The following KHDRBS2 variants were observed in gnomAD, a reference collection of about 807,000 sequenced individuals.
KHDRBS2 encodes KH RNA binding domain containing, signal transduction associated 2.
KHDRBS2 carries 26 observed loss-of-function variants against 44.3 expected under a neutral mutation model. The observed-to-expected ratio is 0.59, with a 90% CI of 0.43 to 0.81. The LOEUF (loss-of-function observed/expected upper bound fraction) is 0.81, where lower values mean the gene tolerates loss of function less well. KHDRBS2 is among the 40% of genes least tolerant of loss of function. The probability of loss-of-function intolerance (pLI) is 0.00; values close to 1 mark genes in which losing one functional copy is unlikely to be tolerated. For synonymous variants in KHDRBS2, 194 were observed against 151.1 expected, an observed-to-expected ratio of 1.28 and a Z score of -2.08; for missense variants, 476 against 433.1, an observed-to-expected ratio of 1.10 and a Z score of -0.88.
At chr6:61,662,129 G>GA in the KHDRBS2 span, among the ~76,000 whole-genome samples, 1 of 151,872 alleles carries the variant, frequency 6.6e-6, no homozygotes, top group East Asian at 1.9e-4. Flanking sequence ...ACAAACCTGA[G>GA]AAAAACAAGC....
intron 1 of KHDRBS2, among the ~76,000 whole-genome samples, chr6:62,237,367 CCAA>C (rs1833870091): frequency 6.6e-6 from 1 of 152,006 alleles, no homozygotes; most frequent in East Asian, 1.9e-4. Context: ...AAAAATAAGT[CCAA>C]CAACTACTCT....
At chr6:61,888,219 G>A (rs1801259393) in intron 6 of KHDRBS2, among the ~76,000 whole-genome samples, 1 of 152,080 alleles carries the variant, frequency 6.6e-6, no homozygotes, top group Non-Finnish European at 1.5e-5. Context: ...CTCTACCTTT[G>A]CCATTGGTGG....
chr6:61,657,897 T>G, the KHDRBS2 span, among the ~76,000 whole-genome samples: 1 of 151,988 alleles, frequency 6.6e-6, no homozygotes, highest in Non-Finnish European at 1.5e-5. Flanking sequence ...AGAACATTGG[T>G]TCTGGGTCAA....
At chr6:61,926,718 G>A (rs1469303964) in intron 4 of KHDRBS2, among the ~76,000 whole-genome samples, 1 of 152,110 alleles carries the variant, frequency 6.6e-6, no homozygotes, top group Non-Finnish European at 1.5e-5. Context: ...TAGGTATTGA[G>A]TCTGTAGGTT....
At chr6:61,662,971 T>C in the KHDRBS2 span, among the ~76,000 whole-genome samples, 1 of 151,926 alleles carries the variant, frequency 6.6e-6, no homozygotes, top group African/African-American at 2.4e-5. Flanking sequence ...AGCGGCACTA[T>C]TCACAATAGC....
At chr6:61,605,271 T>C in the KHDRBS2 span, among the ~76,000 whole-genome samples, 1 of 152,116 alleles carries the variant, frequency 6.6e-6, no homozygotes, top group Non-Finnish European at 1.5e-5. Context: ...TGTCTAGTCA[T>C]ATTCCTATTC....
intron 6 of KHDRBS2, among the ~76,000 whole-genome samples, chr6:61,776,458 C>G (rs1447854418): frequency 1.3e-5 from 2 of 151,674 alleles, no homozygotes; most frequent in African/African-American, 2.4e-5. Flanking sequence ...AAAAACAACC[C>G]TATCAAAAAG....
chr6:61,901,075 T>C (rs1413590030), intron 5 of KHDRBS2, among the ~76,000 whole-genome samples, 169 bp downstream of exon 5: 1 of 152,206 alleles, frequency 6.6e-6, no homozygotes, highest in Admixed American at 6.5e-5. Context: ...TGACTTAACA[T>C]GTGTAAAGCT....
the KHDRBS2 span, among the ~76,000 whole-genome samples, chr6:61,604,871 A>G: frequency 6.6e-6 from 1 of 152,108 alleles, no homozygotes; most frequent in Non-Finnish European, 1.5e-5. Flanking sequence ...GTAAGACATA[A>G]TTCCTTGGTC....
the KHDRBS2 span, among the ~76,000 whole-genome samples, chr6:61,604,279 G>C: frequency 9.2e-6 from 1 of 108,408 alleles, no homozygotes; most frequent in South Asian, 3.4e-4. Context: ...TTCACTGCAA[G>C]GGTCATCAAA....
intron 4 of KHDRBS2, among the ~76,000 whole-genome samples, chr6:61,972,835 T>C (rs1771713763): frequency 6.6e-6 from 1 of 152,178 alleles, no homozygotes. Flanking sequence ...TTGTTTTCCC[T>C]ATATATTCAC....
chr6:61,902,736 G>C (rs1804286817), intron 4 of KHDRBS2, among the ~76,000 whole-genome samples: 1 of 152,144 alleles, frequency 6.6e-6, no homozygotes, highest in East Asian at 1.9e-4. Flanking sequence ...CTAGCAGTGA[G>C]ACTAAAAATT....
intron 4 of KHDRBS2, among the ~76,000 whole-genome samples, chr6:61,932,620 G>A (rs1171327900): frequency 2.0e-5 from 3 of 152,088 alleles, no homozygotes; most frequent in Admixed American, 1.3e-4. Context: ...CTAACACGGT[G>A]AAAACCCATC....
At chr6:61,544,053 T>A in the KHDRBS2 span, among the ~76,000 whole-genome samples, 11 of 152,000 alleles carry the variant, frequency 7.2e-5, no homozygotes, top group Non-Finnish European at 1.5e-5. Context: ...AGCCCAATAA[T>A]GTGACTACAG....
chr6:61,753,275 C>T (rs914365041), intron 6 of KHDRBS2, among the ~76,000 whole-genome samples: 3 of 152,128 alleles, frequency 2.0e-5, no homozygotes, highest in African/African-American at 7.2e-5. Flanking sequence ...TTTGCAGTCA[C>T]ATTATTCAGT....
chr6:61,569,171 C>T, the KHDRBS2 span, among the ~76,000 whole-genome samples: 1 of 152,080 alleles, frequency 6.6e-6, no homozygotes, highest in Non-Finnish European at 1.5e-5. Flanking sequence ...AGCCAAAATC[C>T]CCTCTGGAAC....
rs1277507224 is a variant in KHDRBS2 at position 61,899,661 on chromosome 6, T to C, written c.611+1583A>G. 6.0e-5 allele frequency among the ~76,000 whole-genome samples: 9 copies of C among 150,918 alleles called. No homozygotes were observed. In the Admixed American group the frequency reaches 6.0e-4, roughly 10 times the overall value. ...AGATGCAAAATTCTACTAACGGATA[T>C]CCATAACAAAGCAAAATCTATTACT... On this transcript the variant is annotated intron_variant, in intron 5 of 8. Coordinates refer to ENST00000281156, the MANE Select transcript of KHDRBS2 (RefSeq NM_152688.4).
At chr6:62,045,082 G>GA (rs1032587723) in intron 3 of KHDRBS2, among the ~76,000 whole-genome samples, 1 of 151,972 alleles carries the variant, frequency 6.6e-6, no homozygotes, top group East Asian at 1.9e-4. Context: ...GAACATGAAG[G>GA]AAAAAAAGAA....
intron 4 of KHDRBS2, among the ~76,000 whole-genome samples, chr6:61,903,792 C>T (rs558497942): frequency 6.6e-6 from 1 of 152,214 alleles, no homozygotes; most frequent in South Asian, 2.1e-4. Flanking sequence ...GTGAAGAAGG[C>T]TAGGCTAGCT....
Sources: gnomAD v4.1 joint callset for allele counts (sites outside exome capture counted in the v4.1 genomes callset) on GRCh38, gnomAD v4.1.1 for gene constraint, MANE v1.5 for transcripts, NCBI Gene and HGNC (gene_info 2026-07-23, HGNC 2026-07-21) for gene names.